Variants in ATP6V1H observed in about 807,000 individuals in gnomAD.
ATP6V1H encodes the protein ATPase H+ transporting V1 subunit H, also known as V-type proton ATPase subunit H.
ATP6V1H carries 39 observed loss-of-function variants against 71.7 expected under a neutral mutation model. The ratio of observed to expected loss-of-function variants is 0.54; its 90% CI spans 0.42 to 0.71. The LOEUF is 0.71. Ranked by LOEUF, ATP6V1H falls within the 30% of genes least tolerant of loss-of-function variation. ATP6V1H has a pLI of 0.00. For synonymous variants in ATP6V1H, 192 were observed against 199.3 expected (o/e 0.96, Z 0.31); for missense variants, 509 against 594.9 (o/e 0.86, Z 1.50).
At chr8:53,774,885 A>ATAT (rs1808807036) in intron 9 of ATP6V1H, among the ~76,000 whole-genome samples, 1 of 152,248 alleles carries the variant, frequency 6.6e-6, no homozygotes, top group African/African-American at 2.4e-5. Flanking sequence ...GAGAAATCAG[A>ATAT]GAGAAACATA....
At chr8:53,818,077 G>C (rs554305855) in intron 4 of ATP6V1H, among the ~76,000 whole-genome samples, 4 of 152,194 alleles carry the variant, frequency 2.6e-5, no homozygotes, top group Non-Finnish European at 4.4e-5. Flanking sequence ...ATCTGAGTAA[G>C]AGAAAATTCT....
intron 4 of ATP6V1H, among the ~76,000 whole-genome samples, chr8:53,818,676 G>C (rs1474740445): frequency 6.6e-6 from 1 of 152,180 alleles, no homozygotes; most frequent in Non-Finnish European, 1.5e-5. Flanking sequence ...CTTAGCAACT[G>C]CTGTTGATAT....
At chr8:53,834,502 T>G (rs1021698077) in intron 2 of ATP6V1H, among the ~76,000 whole-genome samples, 1 of 152,238 alleles carries the variant, frequency 6.6e-6, no homozygotes, top group Non-Finnish European at 1.5e-5. Context: ...CTCAGCTCAA[T>G]GCAACCTCTG....
At chr8:53,730,483 AGTT>A (rs988666710) in intron 13 of ATP6V1H, among the ~76,000 whole-genome samples, 1 of 152,132 alleles carries the variant, frequency 6.6e-6, no homozygotes, top group African/African-American at 2.4e-5. Flanking sequence ...AATATTGCAA[AGTT>A]TTTTTAGATT....
At chr8:53,748,381 T>C (rs751145201) in intron 12 of ATP6V1H, among the ~76,000 whole-genome samples, 1 of 152,228 alleles carries the variant, frequency 6.6e-6, no homozygotes, top group Non-Finnish European at 1.5e-5. Context: ...AATTAGTCTA[T>C]ATTCAATAAT....
At chr8:53,820,203 A>G (rs1190711930) in intron 4 of ATP6V1H, among the ~76,000 whole-genome samples, 1 of 152,028 alleles carries the variant, frequency 6.6e-6, no homozygotes, top group East Asian at 1.9e-4. Context: ...AAGAAACTGA[A>G]AAAGAGTACT....
intron 6 of ATP6V1H, among the ~76,000 whole-genome samples, chr8:53,811,602 C>T (rs1271125835): frequency 6.6e-6 from 1 of 152,054 alleles, no homozygotes; most frequent in Non-Finnish European, 1.5e-5. Context: ...GCAAAGCTTT[C>T]AAAAATAGGT....
intron 13 of ATP6V1H, among the ~76,000 whole-genome samples, chr8:53,721,403 T>C (rs913459784): frequency 2.0e-5 from 3 of 152,238 alleles, no homozygotes; most frequent in Non-Finnish European, 2.9e-5. Context: ...AGTCCAACTC[T>C]TTCTACAGTA....
chr8:53,811,489 G>T (rs1013784464), intron 6 of ATP6V1H, among the ~76,000 whole-genome samples: 17 of 152,170 alleles, frequency 1.1e-4, no homozygotes, highest in Non-Finnish European at 2.5e-4. Flanking sequence ...TAAATTTCAT[G>T]GGTAAAGCTA....
chr8:53,829,357 T>C lies in ATP6V1H; in HGVS notation c.306+87A>G, dbSNP rs925680344. ...ATGCTCTAGAAGAGAACAAATGTTC[T>C]AAGTGAAATCTCACCAAAAATGCTG... On this transcript the variant is annotated intron_variant, in intron 4 of 13. Transcript: ENST00000359530. 18 of 809,620 alleles carry C rather than the reference T, an allele frequency of 2.2e-5. No individual in the cohort carries two copies. The African/African-American group carries it at 2.9e-4, about 13-fold the overall frequency. The allele number at this position is 809,620 out of a possible 1,614,324, so 50.2% of individuals were successfully genotyped here.
chr8:53,743,633 G>T lies in ATP6V1H; in HGVS notation c.1335C>A (p.Asp445Glu). ...QLVMNHMHHE[D>E]QQVRYNALLA... Reference sequence around the variant, plus strand: ...GCAGAGCATTATAGCGGACCTGCTGGTCTTCATGATGCATGTGGTTCATGA... The same window carrying T: ...GCAGAGCATTATAGCGGACCTGCTGTTCTTCATGATGCATGTGGTTCATGA... The change falls in exon 13 of 14, where the codon GAC (aspartate) becomes GAA (glutamate). Residue 445 changes from aspartate (D) to glutamate (E), a missense_variant. Physicochemically the swap from Asp to Glu is conservative, Grantham distance 45 (BLOSUM62 2). This residue lies in a region of ATP6V1H where 212 missense variants were observed against 291.6 expected (regional missense o/e 0.73). Transcript: ENST00000359530. 6.2e-7 allele frequency: 1 copy of T among 1,613,924 alleles called. No homozygotes were observed. The highest frequency in any genetic ancestry group is 2.2e-5 in the East Asian group (1 of 44,880).
chr8:53,761,902 T>C (rs1262856763), intron 11 of ATP6V1H, among the ~76,000 whole-genome samples: 1 of 151,994 alleles, frequency 6.6e-6, no homozygotes, highest in African/African-American at 2.4e-5. Context: ...AACAATAAAA[T>C]ATTGAAGCGG....
chr8:53,784,647 A>G (rs960625373), intron 9 of ATP6V1H, among the ~76,000 whole-genome samples: 12 of 152,120 alleles, frequency 7.9e-5, no homozygotes, highest in African/African-American at 2.9e-4. Context: ...GGTCTTTACA[A>G]TTTGGCATGT....
At chr8:53,829,005 G>A (rs1031977730) in intron 4 of ATP6V1H, among the ~76,000 whole-genome samples, 5 of 152,134 alleles carry the variant, frequency 3.3e-5, no homozygotes, top group African/African-American at 9.7e-5. Flanking sequence ...AAACGTTTTC[G>A]ATGATAAGCA....
At chr8:53,794,669 CTT>C (rs1026956854) in intron 9 of ATP6V1H, among the ~76,000 whole-genome samples, 3 of 152,100 alleles carry the variant, frequency 2.0e-5, no homozygotes, top group African/African-American at 7.2e-5. Context: ...CCCAGCCCCA[CTT>C]TTTATTTTTT....
chr8:53,766,268 C>G (rs1808460346), intron 11 of ATP6V1H, among the ~76,000 whole-genome samples: 4 of 152,218 alleles, frequency 2.6e-5, no homozygotes, highest in East Asian at 3.9e-4. Context: ...ACTGCAATTT[C>G]TAAACATAAA....
At chr8:53,770,543 T>G (rs561136538) in intron 10 of ATP6V1H, among the ~76,000 whole-genome samples, 1 of 152,310 alleles carries the variant, frequency 6.6e-6, no homozygotes, top group Admixed American at 6.5e-5. Context: ...AGGGTACCAT[T>G]TGAATAAAGT....
intron 7 of ATP6V1H, among the ~76,000 whole-genome samples, chr8:53,803,205 C>T (rs750568632): frequency 9.2e-5 from 14 of 152,052 alleles, no homozygotes; most frequent in Middle Eastern, 3.4e-3. Flanking sequence ...GGTGTGGTGG[C>T]GTGCACCTGC....
intron 5 of ATP6V1H, among the ~76,000 whole-genome samples, chr8:53,816,625 G>A (rs1307257087): frequency 6.6e-6 from 1 of 152,046 alleles, no homozygotes; most frequent in Non-Finnish European, 1.5e-5. Flanking sequence ...GTGAAATCCC[G>A]TCTTTACTAA....
Sources: allele counts gnomAD v4.1 joint callset (sites outside exome capture counted in the v4.1 genomes callset), GRCh38; gene constraint gnomAD v4.1.1; regional missense constraint gnomAD v4.1.1; transcripts MANE v1.5; gene names NCBI Gene and HGNC (gene_info 2026-07-23, HGNC 2026-07-21).